The following FREM2 variants were observed in gnomAD, a reference collection of about 807,000 sequenced individuals.
FREM2 encodes the protein FRAS1 related extracellular matrix 2.
Under a neutral mutation model 219.9 loss-of-function variants are expected in FREM2, and 119 were observed. The ratio of observed to expected loss-of-function variants is 0.54; its 90% CI spans 0.47 to 0.63. The LOEUF (loss-of-function observed/expected upper bound fraction) is 0.63, where lower values mean the gene tolerates loss of function less well. Among genes scored for constraint, FREM2 ranks in the 30% least tolerant of loss-of-function variants. FREM2 has a pLI of 0.00. For synonymous variants in FREM2, 1,562 were observed against 1,522.8 expected (o/e 1.03, Z -0.60); for missense variants, 4,030 against 3,993.6 (o/e 1.01, Z -0.25).
chr13:38,753,813 C>G (rs1285268301), intron 2 of FREM2, among the ~76,000 whole-genome samples: 1 of 152,106 alleles, frequency 6.6e-6, no homozygotes, highest in Non-Finnish European at 1.5e-5. Flanking sequence ...TGTAAGCTCC[C>G]AATTAGGAAA....
chr13:38,751,246 A>T (rs1200357311), intron 2 of FREM2, among the ~76,000 whole-genome samples: 3 of 148,284 alleles, frequency 2.0e-5, no homozygotes, highest in Non-Finnish European at 3.0e-5. Flanking sequence ...GGGCTGTACC[A>T]ATTTACATTC....
intron 6 of FREM2, among the ~76,000 whole-genome samples, chr13:38,794,511 C>A (rs1192967152): frequency 6.6e-6 from 1 of 152,122 alleles, no homozygotes; most frequent in Non-Finnish European, 1.5e-5. Flanking sequence ...GAAAGATTAA[C>A]TTTATTTTAG....
chr13:38,853,444 A>T (rs767149722), intron 11 of FREM2, among the ~76,000 whole-genome samples: 137 of 152,234 alleles, frequency 9.0e-4, no homozygotes, highest in Middle Eastern at 6.8e-3. Context: ...GAGTCTAATT[A>T]TTCACTGTGT....
At position 38,753,973 on chromosome 13, in the gene FREM2, T is replaced by TTTATTTTATTTTA. The variant is rs1555265208; in HGVS notation, c.5264-10329_5264-10328insATTTTATTTTATT. On this transcript the variant is annotated intron_variant, in intron 2 of 23. Transcript: ENST00000280481. ...ACACATTCTTTTTATTTTATTTTAT[T>TTTATTTTATTTTA]TTTTATTTTATTTTATTTTATTTTT... is the stretch of plus-strand genomic sequence containing the variant. Among the ~76,000 whole-genome samples the TTTATTTTATTTTA allele has an allele frequency of 7.4e-5, 11 of 148,492 alleles. No individual in the cohort carries two copies. The South Asian group carries it at 2.1e-3, about 29-fold the overall frequency.
In FREM2 at chr13:38,768,617, T is replaced by G. The variant is rs189636381; in HGVS notation, c.5411-961T>G. On this transcript the variant is annotated intron_variant, in intron 3 of 23. Coordinates refer to ENST00000280481, the MANE Select transcript of FREM2 (RefSeq NM_207361.6). ...TTTTACATCTGTCTGTCTTACCCACTTCTCTGAAAATGCTCAGGTTTAGAG... is the reference window on the plus strand; with the variant it reads ...TTTTACATCTGTCTGTCTTACCCACGTCTCTGAAAATGCTCAGGTTTAGAG... Among the ~76,000 whole-genome samples the G allele has an allele frequency of 3.9e-3, 597 of 152,288 alleles. 4 individuals carry two copies. Among genetic ancestry groups the G allele is most frequent in the African/African-American group, 0.014 (565 of 41,556 alleles).
At chr13:38,722,530 A>G (rs1299518840) in intron 2 of FREM2, among the ~76,000 whole-genome samples, 1 of 151,982 alleles carries the variant, frequency 6.6e-6, no homozygotes, top group Non-Finnish European at 1.5e-5. Flanking sequence ...TTTTTTGAAC[A>G]GTGGTTATCA....
chr13:38,698,036 G>A (rs1222395578), intron 2 of FREM2, among the ~76,000 whole-genome samples: 2 of 152,278 alleles, frequency 1.3e-5, no homozygotes, highest in East Asian at 3.9e-4. Context: ...AGAGAGATCT[G>A]TATAAATAGG....
In FREM2 at chr13:38,885,226, C is replaced by T. The variant is rs988577937; in HGVS notation, c.*4439C>T. Reference sequence around the variant, plus strand: ...GAAACTTCTCCATAAGGAAAGAAAACTGACTCTCTCTTGAACTAGTGTTGA... The same window carrying T: ...GAAACTTCTCCATAAGGAAAGAAAATTGACTCTCTCTTGAACTAGTGTTGA... On this transcript the variant is annotated 3_prime_UTR_variant, in exon 24 of 24. Transcript: ENST00000280481. 4.6e-5 allele frequency: 7 copies of T among 152,148 alleles called. No individual in the cohort carries two copies. The highest frequency in any genetic ancestry group is 2.6e-4 in the Admixed American group (4 of 15,280). 9.4% of individuals were successfully genotyped at this position (152,148 alleles called of 1,614,324 possible). A position where few individuals can be genotyped will look rare whatever the true frequency, so the allele number is the denominator to read the frequency against.
At position 38,861,504 on chromosome 13, in the gene FREM2, T is replaced by A; in HGVS notation, c.7593T>A (p.Pro2531=). 6.2e-7 allele frequency: 1 copy of A among 1,602,496 alleles called. No homozygotes were observed. Among genetic ancestry groups the A allele is most frequent in the Non-Finnish European group, 8.5e-7 (1 of 1,172,420 alleles). ...CAGCTAAATTGCGCTACACAGGCCC[T>A]GAGGATGCAGACTACACAAACCTTA... ...PFSAKLRYTG[P]EDADYTNLIK... is the part of the protein sequence containing the mutation. The change falls in exon 15 of 24, where the codon CCT becomes CCA. Residue 2531 remains proline, a synonymous_variant. Transcript: ENST00000280481.
chr13:38,793,378 G>A (rs1038440384), intron 6 of FREM2, among the ~76,000 whole-genome samples: 24 of 152,150 alleles, frequency 1.6e-4, no homozygotes, highest in African/African-American at 5.6e-4. Flanking sequence ...TGATATCAAG[G>A]TATCCCAGTG....
chr13:38,708,200 G>T (rs751791982), intron 2 of FREM2, among the ~76,000 whole-genome samples: 1 of 152,178 alleles, frequency 6.6e-6, no homozygotes, highest in Non-Finnish European at 1.5e-5. Flanking sequence ...GATTTTCATT[G>T]ATATACCCTC....
rs755349409 is a variant in FREM2, at chr13:38,689,802, C to T, written c.2458C>T (p.Leu820Phe). 6.2e-7 allele frequency: 1 copy of T among 1,614,062 alleles called. No individual in the cohort carries two copies. The highest frequency in any genetic ancestry group is 8.5e-7 in the Non-Finnish European group (1 of 1,179,966). ...AGNVAPGTFTLYLHPVDNQPP... is the reference protein window; with the variant it reads ...AGNVAPGTFTFYLHPVDNQPP... ...GAATGTGGCTCCAGGTACCTTTACC[C>T]TTTACTTGCATCCCGTGGACAACCA... The change falls in exon 1 of 24, where the codon CTT (leucine) becomes TTT (phenylalanine). Residue 820 changes from leucine (L) to phenylalanine (F), a missense_variant. By Grantham distance (22) the Leu-to-Phe change is conservative. Coordinates refer to ENST00000280481, the MANE Select transcript of FREM2 (RefSeq NM_207361.6).
At chr13:38,726,917 T>C (rs983667903) in intron 2 of FREM2, among the ~76,000 whole-genome samples, 1 of 152,214 alleles carries the variant, frequency 6.6e-6, no homozygotes, top group African/African-American at 2.4e-5. Flanking sequence ...TAAGTGGTAG[T>C]TCAGTTAATC....
intron 2 of FREM2, among the ~76,000 whole-genome samples, chr13:38,719,763 C>T (rs1419780069): frequency 1.3e-5 from 2 of 152,148 alleles, no homozygotes; most frequent in East Asian, 3.9e-4. Context: ...CATTATTCTG[C>T]CAACCACAGT....
intron 11 of FREM2, 21 bp downstream of exon 11, chr13:38,851,889 G>C (rs1016721550): frequency 6.2e-7 from 1 of 1,601,674 alleles, no homozygotes; most frequent in Non-Finnish European, 8.6e-7. Flanking sequence ...CCCAGGGCCT[G>C]TCTCCTGATG....
chr13:38,864,846 G>A (rs1877902575), intron 16 of FREM2, among the ~76,000 whole-genome samples: 1 of 152,180 alleles, frequency 6.6e-6, no homozygotes, highest in South Asian at 2.1e-4. Context: ...TATGTGAAAA[G>A]GATGCTGTAT....
intron 2 of FREM2, among the ~76,000 whole-genome samples, chr13:38,750,875 G>A (rs905136993): frequency 6.6e-6 from 1 of 152,152 alleles, no homozygotes; most frequent in African/African-American, 2.4e-5. Flanking sequence ...GTACTTTTTA[G>A]TAGAGATGGG....
intron 9 of FREM2, 126 bp from the exon 10 acceptor site, chr13:38,850,818 G>A: frequency 9.6e-7 from 1 of 1,039,956 alleles, no homozygotes; most frequent in Non-Finnish European, 1.5e-6. Context: ...CTTATTGCAT[G>A]CCAAACACTA....
intron 2 of FREM2, among the ~76,000 whole-genome samples, chr13:38,760,204 GAT>G (rs1414045551): frequency 2.0e-5 from 3 of 152,152 alleles, no homozygotes; most frequent in Non-Finnish European, 4.4e-5. Flanking sequence ...AATTTTCTAT[GAT>G]AGTTACTTTG....
Sources: allele counts gnomAD v4.1 joint callset (sites outside exome capture counted in the v4.1 genomes callset), GRCh38; gene constraint gnomAD v4.1.1; transcripts MANE v1.5; gene names NCBI Gene and HGNC (gene_info 2026-07-23, HGNC 2026-07-21).